Variants in PPP1R16B observed in about 807,000 individuals in gnomAD.
PPP1R16B encodes protein phosphatase 1 regulatory inhibitor subunit 16B.
PPP1R16B carries 14 observed loss-of-function variants against 61.7 expected under a neutral mutation model. The observed-to-expected ratio is 0.23, with a 90% CI of 0.15 to 0.35. PPP1R16B has a LOEUF of 0.35. Among genes scored for constraint, PPP1R16B ranks in the 10% least tolerant of loss-of-function variants. The pLI, the probability that PPP1R16B is intolerant of heterozygous loss-of-function variation, is 1.00. For missense variants in PPP1R16B, 547 were observed against 752.5 expected (o/e 0.73, Z 3.19); for synonymous variants, 266 against 305.3 (o/e 0.87, Z 1.34).
At chr20:38,841,246 G>T (rs1028659816) in intron 2 of PPP1R16B, among the ~76,000 whole-genome samples, 3 of 151,688 alleles carry the variant, frequency 2.0e-5, no homozygotes, top group African/African-American at 7.3e-5. Context: ...CATTGCCATC[G>T]CTGAGTGGTG....
At chr20:38,914,798 G>C (rs993336048) in intron 10 of PPP1R16B, among the ~76,000 whole-genome samples, 2 of 152,044 alleles carry the variant, frequency 1.3e-5, no homozygotes, top group African/African-American at 4.8e-5. Context: ...CTCCCATGTA[G>C]CTGAGCCACA....
At chr20:38,854,031 G>T (rs1298793439) in intron 2 of PPP1R16B, among the ~76,000 whole-genome samples, 2 of 152,142 alleles carry the variant, frequency 1.3e-5, no homozygotes, top group East Asian at 3.8e-4. Context: ...GATTCATTGG[G>T]GGCCATTGTT....
At chr20:38,864,582 G>T (rs1000724564) in intron 2 of PPP1R16B, among the ~76,000 whole-genome samples, 3 of 152,180 alleles carry the variant, frequency 2.0e-5, no homozygotes, top group African/African-American at 7.2e-5. Flanking sequence ...CCTGGAATTT[G>T]AACTCAAGCA....
intron 10 of PPP1R16B, among the ~76,000 whole-genome samples, chr20:38,917,418 G>T (rs183424070): frequency 1.5e-4 from 23 of 152,038 alleles, no homozygotes; most frequent in African/African-American, 5.5e-4. Context: ...CTTGTTCCCT[G>T]TTCATGGTGA....
At chr20:38,819,786 TA>T (rs902606541) in intron 1 of PPP1R16B, among the ~76,000 whole-genome samples, 27 of 148,084 alleles carry the variant, frequency 1.8e-4, no homozygotes, top group East Asian at 5.9e-4. Flanking sequence ...GAGCAGTATT[TA>T]AAAAAAAAAA....
At chr20:38,869,422 G>C (rs1204798917) in intron 2 of PPP1R16B, among the ~76,000 whole-genome samples, 1 of 152,056 alleles carries the variant, frequency 6.6e-6, no homozygotes, top group African/African-American at 2.4e-5. Flanking sequence ...GCCTCCCAAA[G>C]TGTTGGGATT....
chr20:38,886,926 C>G (rs559753601), intron 2 of PPP1R16B, among the ~76,000 whole-genome samples: 1 of 152,302 alleles, frequency 6.6e-6, no homozygotes, highest in Admixed American at 6.5e-5. Flanking sequence ...ACACTCAAAG[C>G]CCATAATTAG....
intron 4 of PPP1R16B, among the ~76,000 whole-genome samples, chr20:38,896,592 A>AT (rs1419034946): frequency 1.3e-5 from 2 of 150,948 alleles, no homozygotes; most frequent in African/African-American, 4.9e-5. Flanking sequence ...TTTCCCCCCA[A>AT]TTTTTTATAG....
intron 1 of PPP1R16B, among the ~76,000 whole-genome samples, chr20:38,833,945 A>G (rs1182924566): frequency 6.6e-6 from 1 of 152,222 alleles, no homozygotes; most frequent in Non-Finnish European, 1.5e-5. Context: ...CAGGAGATTA[A>G]CAACGCTTCC....
intron 2 of PPP1R16B, among the ~76,000 whole-genome samples, chr20:38,863,295 T>A (rs1186200347): frequency 6.6e-6 from 1 of 152,232 alleles, no homozygotes; most frequent in East Asian, 1.9e-4. Context: ...CACCTCGTAC[T>A]TCCCCTCCTG....
At chr20:38,894,128 C>G (rs2085314553) in intron 3 of PPP1R16B, among the ~76,000 whole-genome samples, 1 of 152,070 alleles carries the variant, frequency 6.6e-6, no homozygotes, top group African/African-American at 2.4e-5. Context: ...CCCCGCACCC[C>G]CGCCCCGCAA....
intron 1 of PPP1R16B, among the ~76,000 whole-genome samples, chr20:38,814,563 C>A (rs1027861919): frequency 6.6e-6 from 1 of 152,106 alleles, no homozygotes; most frequent in Non-Finnish European, 1.5e-5. Context: ...CTGATACATG[C>A]CAACTATTCT....
At chr20:38,895,869 TCCC>T (rs2085334462) in intron 4 of PPP1R16B, among the ~76,000 whole-genome samples, 159 bp downstream of exon 4, 6 of 116,296 alleles carry the variant, frequency 5.2e-5, no homozygotes, top group East Asian at 2.9e-4. Flanking sequence ...CTTCCCTCCC[TCCC>T]TCCTTCCTTC....
chr20:38,888,786 T>C (rs1332087553), intron 2 of PPP1R16B, among the ~76,000 whole-genome samples: 3 of 150,902 alleles, frequency 2.0e-5, no homozygotes, highest in Non-Finnish European at 4.4e-5. Flanking sequence ...AGGGTCACAG[T>C]GATAAGGGGA....
intron 2 of PPP1R16B, among the ~76,000 whole-genome samples, chr20:38,875,901 G>A (rs1041934781): frequency 1.3e-5 from 2 of 150,048 alleles, no homozygotes; most frequent in African/African-American, 4.9e-5. Flanking sequence ...ACTTATATTT[G>A]TTTCTTCCTC....
At chr20:38,862,465 GAC>G (rs2085059101) in intron 2 of PPP1R16B, among the ~76,000 whole-genome samples, 1 of 152,092 alleles carries the variant, frequency 6.6e-6, no homozygotes, top group Non-Finnish European at 1.5e-5. Context: ...GAATGCCCCC[GAC>G]ACAACCCTAC....
chr20:38,811,082 A>G (rs1056505462), intron 1 of PPP1R16B, among the ~76,000 whole-genome samples: 1 of 152,128 alleles, frequency 6.6e-6, no homozygotes, highest in Non-Finnish European at 1.5e-5. Context: ...GTGTTCTTGG[A>G]TGTCTCAGAA....
chr20:38,823,636 C>CA (rs1043145301), intron 1 of PPP1R16B, among the ~76,000 whole-genome samples: 81 of 130,902 alleles, frequency 6.2e-4, no homozygotes, highest in Middle Eastern at 8.0e-3. Context: ...GACTTTGTCT[C>CA]AAAAAAAAAA....
chr20:38,809,906 G>A (rs942388354), intron 1 of PPP1R16B, among the ~76,000 whole-genome samples: 2 of 151,352 alleles, frequency 1.3e-5, no homozygotes, highest in Non-Finnish European at 2.9e-5. Flanking sequence ...ACCTGAACGG[G>A]GGAAGTGGAG....
Sources: gnomAD v4.1 joint callset for allele counts (sites outside exome capture counted in the v4.1 genomes callset) on GRCh38, gnomAD v4.1.1 for gene constraint, MANE v1.5 for transcripts, NCBI Gene and HGNC (gene_info 2026-07-23, HGNC 2026-07-21) for gene names.